TJAP1: variants seen among roughly 807,000 people sequenced by gnomAD.
TJAP1 encodes tight junction associated protein 1.
TJAP1 carries 27 observed loss-of-function variants against 42.0 expected under a neutral mutation model. That is an observed-to-expected ratio of 0.64 (90% CI 0.47 to 0.89). TJAP1 has a LOEUF of 0.89. TJAP1 is among the 40% of genes least tolerant of loss of function. TJAP1 has a pLI of 0.00. For missense variants in TJAP1, 712 were observed against 726.9 expected, an observed-to-expected ratio of 0.98 and a Z score of 0.24; for synonymous variants, 257 against 288.4, an observed-to-expected ratio of 0.89 and a Z score of 1.10.
chr6:43,502,076 A>ACACACT (rs767085594), intron 6 of TJAP1, among the ~76,000 whole-genome samples: 8,098 of 68,966 alleles, frequency 0.12, 1,555 homozygotes, highest in Non-Finnish European at 0.14. Context: ...ACACACACAC[A>ACACACT]CTCTCTCTCT....
At chr6:43,501,176 T>C in intron 5 of TJAP1, 1 of 375,326 alleles carries the variant, frequency 2.7e-6, no homozygotes, top group Non-Finnish European at 4.8e-6. Context: ...GTGGGGAAAC[T>C]GGAGCTGGGG....
At chr6:43,503,781 T>G (rs1354028409) in intron 10 of TJAP1, 75 bp downstream of exon 10, 1 of 1,310,838 alleles carries the variant, frequency 7.6e-7, no homozygotes. Flanking sequence ...CTCCAGTTTC[T>G]GCACCTCTCT....
At chr6:43,498,830 G>C (rs1789842296) in intron 3 of TJAP1, 148 bp from the exon 4 acceptor site, 4 of 753,042 alleles carry the variant, frequency 5.3e-6, no homozygotes, top group Non-Finnish European at 8.3e-6. Context: ...CCTAAGTCCT[G>C]CCCCTCTAGT....
chr6:43,504,828 G>A, exon 11 of TJAP1: 1 of 1,614,186 alleles, frequency 6.2e-7, no homozygotes, highest in Non-Finnish European at 8.5e-7. Context: ...GCCAGCCCAG[G>A]TCCTGCTCCC....
chr6:43,493,833 C>G (rs1283061327), intron 2 of TJAP1, among the ~76,000 whole-genome samples: 2 of 152,138 alleles, frequency 1.3e-5, no homozygotes, highest in African/African-American at 4.8e-5. Flanking sequence ...AGCAATCTTC[C>G]ACCACGGTGG....
At chr6:43,502,032 G>T (rs1790926726) in intron 6 of TJAP1, among the ~76,000 whole-genome samples, 1 of 135,674 alleles carries the variant, frequency 7.4e-6, no homozygotes, top group Admixed American at 7.4e-5. Flanking sequence ...AGTTCTGCAG[G>T]TGTGGGAATG....
At position 43,492,492 on chromosome 6, in the gene TJAP1, G is replaced by A. The variant is rs906409930; in HGVS notation, c.-121-5389G>A. 6.6e-6 allele frequency among the ~76,000 whole-genome samples: 1 copy of A among 152,118 alleles called. No homozygotes were observed. Among genetic ancestry groups the A allele is most frequent in the Non-Finnish European group, 1.5e-5 (1 of 68,028 alleles). ...GAGCTGTTGGCTGCCTGCCTGCCAC[G>A]CGCCCGGGATTGCTGAAGGCTTTAC... On this transcript the variant is annotated intron_variant, in intron 2 of 10. Coordinates refer to ENST00000372449, the Ensembl canonical transcript of TJAP1. The surrounding 1 kb of genome is among the most constrained non-coding windows in gnomAD (Gnocchi z 4.2).
intron 2 of TJAP1, among the ~76,000 whole-genome samples, chr6:43,479,342 A>G (rs1224614328): frequency 6.6e-6 from 1 of 152,238 alleles, no homozygotes; most frequent in Non-Finnish European, 1.5e-5. Context: ...GGTCAGCTTC[A>G]GTACCTTTAG....
exon 8 of TJAP1, chr6:43,502,617 A>G (rs1791199991): frequency 6.4e-7 from 1 of 1,551,650 alleles, no homozygotes; most frequent in East Asian, 2.4e-5. Flanking sequence ...GGATTTTTGC[A>G]GTTGCGTCTG....
At chr6:43,503,128 C>G in intron 8 of TJAP1, 1 of 513,068 alleles carries the variant, frequency 1.9e-6, no homozygotes, top group Non-Finnish European at 3.5e-6. Flanking sequence ...CCCAGAGCCC[C>G]TGGAACCTCA....
At chr6:43,481,487 C>A (rs1785294717) in intron 2 of TJAP1, among the ~76,000 whole-genome samples, 1 of 145,532 alleles carries the variant, frequency 6.9e-6, no homozygotes, top group South Asian at 2.2e-4. Flanking sequence ...ACATCACCCC[C>A]CCCCCAAAAA....
In TJAP1 at chr6:43,505,652, A is replaced by G. The variant is rs1314341821; in HGVS notation, c.1471A>G (p.Ser491Gly). The G allele has an allele frequency of 4.3e-6, 7 of 1,611,870 alleles. No homozygotes were observed. In the South Asian group the frequency reaches 4.4e-5, roughly 10 times the overall value. The change falls in exon 11 of 11, where the codon AGT (serine) becomes GGT (glycine). Residue 491 changes from serine to glycine, a missense_variant. This residue lies in a region of TJAP1 where 549 missense variants were observed against 528.2 expected (regional missense o/e 1.04). Coordinates refer to ENST00000372449, the Ensembl canonical transcript of TJAP1. The surrounding 1 kb of genome is among the most constrained non-coding windows in gnomAD (Gnocchi z 5.5). ...GGAAGAAGAGCTGAACCTGCCTATC[A>G]GTCCTGAGGAAGAGCGCCAGAGCCT...
At chr6:43,503,483 CCAT>C (rs1791439406) in exon 9 of TJAP1, 2 of 1,614,134 alleles carry the variant, frequency 1.2e-6, no homozygotes, top group Non-Finnish European at 1.7e-6. Context: ...GCCAAGAACA[CCAT>C]CAACAAGCTG....
Position 43,502,725 on chromosome 6 carries a change from TC to T in TJAP1, c.387+110del. The T allele has an allele frequency of 2.0e-5, 25 of 1,220,258 alleles. No homozygotes were observed. In the South Asian group the frequency reaches 3.2e-4, roughly 16 times the overall value. 75.6% of individuals were successfully genotyped at this position (1,220,258 alleles called of 1,614,324 possible). On this transcript the variant is annotated intron_variant, in intron 8 of 10. Coordinates refer to ENST00000372449, the Ensembl canonical transcript of TJAP1. ...CCCTGTGCCCCTTGAGTACACCCGC[TC>T]CTTTCTCTTCCCTGTATGAGGCCCG...
At chr6:43,499,229 C>T in intron 4 of TJAP1, 129 bp downstream of exon 4, 1 of 1,420,972 alleles carries the variant, frequency 7.0e-7, no homozygotes, top group South Asian at 1.3e-5. Context: ...TGTTGCAGGC[C>T]TGAGGTCTCC....
At chr6:43,501,891 CCACACACACA>C (rs550223728) in intron 6 of TJAP1, among the ~76,000 whole-genome samples, 781 of 38,612 alleles carry the variant, frequency 0.02, 2 homozygotes, top group Admixed American at 0.029. Context: ...GAATGCGGGG[CCACACACACA>C]CACACACACA....
At chr6:43,504,531 C>A in intron 10 of TJAP1, 2 of 589,950 alleles carry the variant, frequency 3.4e-6, no homozygotes, top group Non-Finnish European at 5.9e-6. Flanking sequence ...AGCAGCAGAT[C>A]CGGGTTTAAA....
At chr6:43,500,211 A>T (rs1790212518) in intron 4 of TJAP1, among the ~76,000 whole-genome samples, 1 of 151,942 alleles carries the variant, frequency 6.6e-6, no homozygotes, top group Non-Finnish European at 1.5e-5. Context: ...GGAGGTTAAA[A>T]GACAGACAAG....
At chr6:43,506,504 A>G (rs1249724636) in exon 11 of TJAP1, 1 of 152,610 alleles carries the variant, frequency 6.6e-6, no homozygotes, top group African/African-American at 2.4e-5. Flanking sequence ...GCTTTGAGAA[A>G]TTTTCACATT....
Sources: allele counts gnomAD v4.1 joint callset (sites outside exome capture counted in the v4.1 genomes callset), GRCh38; gene constraint gnomAD v4.1.1; regional missense constraint gnomAD v4.1.1; non-coding constraint Gnocchi (gnomAD v3.1); transcripts MANE v1.5; gene names NCBI Gene and HGNC (gene_info 2026-07-23, HGNC 2026-07-21).